SASH1: variants seen among roughly 807,000 people sequenced by gnomAD.
The protein encoded by SASH1 is SAM and SH3 domain containing 1.
Under a neutral mutation model 125.2 loss-of-function variants are expected in SASH1, and 44 were observed. The ratio of observed to expected loss-of-function variants is 0.35; its 90% CI spans 0.28 to 0.45. The LOEUF is 0.45. SASH1 is among the 20% of genes least tolerant of loss of function. The pLI, the probability that SASH1 is intolerant of heterozygous loss-of-function variation, is 1.00. For synonymous variants in SASH1, 639 were observed against 649.1 expected (o/e 0.98, Z 0.24); for missense variants, 1,426 against 1,614.5 (o/e 0.88, Z 2.00).
At chr6:148,298,667 G>GGAAGGAAGGA (rs1779831332) in intron 1 of SASH1, among the ~76,000 whole-genome samples, 40 of 55,714 alleles carry the variant, frequency 7.2e-4, no homozygotes, top group Non-Finnish European at 1.1e-3. Flanking sequence ...GGGAGGGAGG[G>GGAAGGAAGGA]AGGAAGGAAG....
At chr6:148,345,820 T>C (rs6934632) in intron 1 of SASH1, among the ~76,000 whole-genome samples, 118,864 of 152,168 alleles carry the variant, frequency 0.78, 46,637 homozygotes, top group East Asian at 0.9. Context: ...GACTTGTCCC[T>C]GGTCGCTGGC....
At chr6:148,449,824 A>G (rs893225297) in intron 4 of SASH1, among the ~76,000 whole-genome samples, 1 of 152,202 alleles carries the variant, frequency 6.6e-6, no homozygotes, top group Non-Finnish European at 1.5e-5. Flanking sequence ...CCAAAGAGGA[A>G]GTGAATATGT....
chr6:148,509,512 T>G (rs1266151979), intron 8 of SASH1, among the ~76,000 whole-genome samples: 1 of 152,206 alleles, frequency 6.6e-6, no homozygotes, highest in African/African-American at 2.4e-5. Flanking sequence ...AGGGCACAGT[T>G]GTAATCCTGT....
intron 1 of SASH1, among the ~76,000 whole-genome samples, chr6:148,382,939 G>C (rs757226513): frequency 6.6e-6 from 1 of 152,184 alleles, no homozygotes; most frequent in East Asian, 1.9e-4. Flanking sequence ...GGCATATGTC[G>C]TTACACGTTA....
In SASH1 at chr6:148,452,508, T is replaced by C. The variant is rs372601780; in HGVS notation, c.386+12101T>C. Among the ~76,000 whole-genome samples, 111 of 152,362 alleles carry C rather than the reference T, an allele frequency of 7.3e-4. 4 individuals carry two copies. The South Asian group carries it at 0.022, about 30-fold the overall frequency. On this transcript the variant is annotated intron_variant, in intron 4 of 19. Transcript: ENST00000367467. The stretch of plus-strand genomic sequence containing the variant: ...ACTATGTTGTAGCTGGCCTAGGCTC[T>C]GGAGCTGGACAGAATCTGAGCGTGA...
chr6:148,482,166 T>C (rs1028581009), intron 7 of SASH1, among the ~76,000 whole-genome samples: 1 of 152,162 alleles, frequency 6.6e-6, no homozygotes. Flanking sequence ...TTTAAAGCCT[T>C]GGATAAAAAA....
rs1308382648 is a variant in SASH1, at chr6:148,487,032, TTATATATATTTG to T, written c.628-580_628-569del. On this transcript the variant is annotated intron_variant, in intron 7 of 19. Coordinates refer to ENST00000367467, the MANE Select transcript of SASH1 (RefSeq NM_015278.5). ...ATATATGTTTTTATATATATATTTG[TTATATATATTTG>T]TTTTATATATATGTAAAAAACAAAT... 1.7e-5 allele frequency among the ~76,000 whole-genome samples: 2 copies of T among 121,056 alleles called. 1 individual carries two copies. The highest frequency in any genetic ancestry group is 6.0e-5 in the African/African-American group (2 of 33,146). The allele number at this position is 121,056 out of a possible 152,430, so 79.4% of individuals were successfully genotyped here.
chr6:148,517,923 C>T (rs926681371), intron 9 of SASH1, among the ~76,000 whole-genome samples: 3 of 152,278 alleles, frequency 2.0e-5, no homozygotes, highest in East Asian at 3.9e-4. Flanking sequence ...TGTACATCTG[C>T]GTGGACACCT....
At chr6:148,302,695 A>G (rs2128514339) in intron 1 of SASH1, among the ~76,000 whole-genome samples, 1 of 150,482 alleles carries the variant, frequency 6.6e-6, no homozygotes, top group South Asian at 2.1e-4. Context: ...AAATATATAT[A>G]TACACACTGT....
intron 2 of SASH1, among the ~76,000 whole-genome samples, chr6:148,433,406 C>CTTTTTTTT (rs5880780): frequency 1.1e-4 from 14 of 127,994 alleles, no homozygotes; most frequent in Admixed American, 3.3e-4. Context: ...TTTCTTTTTT[C>CTTTTTTTT]TTTTTTTTTT....
chr6:148,540,582 A>G, intron 17 of SASH1, 26 bp downstream of exon 17: 1 of 1,536,576 alleles, frequency 6.5e-7, no homozygotes, highest in East Asian at 2.3e-5. Context: ...GTCGCTGGGA[A>G]CCTGCTTTGA....
intron 4 of SASH1, among the ~76,000 whole-genome samples, chr6:148,440,852 C>A (rs1776513698): frequency 6.6e-6 from 1 of 152,136 alleles, no homozygotes; most frequent in Admixed American, 6.6e-5. Context: ...CTTAAAACAA[C>A]AGTGAATGTG....
rs1554258787 is a variant in SASH1, at chr6:148,449,078, C to CTTTTCTTTTT, written c.386+8675_386+8676insCTTTTTTTTT. On this transcript the variant is annotated intron_variant, in intron 4 of 19. Transcript: ENST00000367467. Reference sequence around the variant, plus strand: ...GAGACTGGCTAATTTCATTTCATTTCTTTTTTTTTTTTTTTGGAGACAGAG... The same window carrying CTTTTCTTTTT: ...GAGACTGGCTAATTTCATTTCATTTCTTTTCTTTTTTTTTTTTTTTTTTTTGGAGACAGAG... Among the ~76,000 whole-genome samples the CTTTTCTTTTT allele has an allele frequency of 3.4e-5, 3 of 88,706 alleles. No homozygotes were observed. In the South Asian group the frequency reaches 1.1e-3, roughly 31 times the overall value. 58.2% of individuals were successfully genotyped at this position (88,706 alleles called of 152,430 possible). A position where few individuals can be genotyped will look rare whatever the true frequency, so the allele number is the denominator to read the frequency against.
chr6:148,290,550 G>T (rs1401966533), intron 1 of SASH1, among the ~76,000 whole-genome samples: 1 of 152,064 alleles, frequency 6.6e-6, no homozygotes, highest in Non-Finnish European at 1.5e-5. Context: ...AGCTTGCAGT[G>T]AGCCAAGATC....
chr6:148,421,976 C>T (rs1416478757), intron 2 of SASH1, among the ~76,000 whole-genome samples: 1 of 152,156 alleles, frequency 6.6e-6, no homozygotes, highest in African/African-American at 2.4e-5. Context: ...TAATGTGGCA[C>T]ATTTTCTTCC....
At chr6:148,241,189 T>C in the SASH1 span, among the ~76,000 whole-genome samples, 1 of 152,300 alleles carries the variant, frequency 6.6e-6, no homozygotes, top group South Asian at 2.1e-4. Context: ...AAAGATTGCT[T>C]TTATTTATTT....
At chr6:148,413,402 A>G (rs1784699622) in intron 2 of SASH1, among the ~76,000 whole-genome samples, 1 of 152,176 alleles carries the variant, frequency 6.6e-6, no homozygotes, top group South Asian at 2.1e-4. Context: ...ATTGACCTAA[A>G]TTGGAATGGA....
intron 1 of SASH1, among the ~76,000 whole-genome samples, chr6:148,374,486 A>C (rs1468862394): frequency 1.3e-5 from 2 of 152,186 alleles, no homozygotes; most frequent in Non-Finnish European, 2.9e-5. Context: ...GAAAATGGGT[A>C]TTTTCATTCT....
At chr6:148,435,968 C>G (rs574437360) in intron 2 of SASH1, among the ~76,000 whole-genome samples, 52 of 152,284 alleles carry the variant, frequency 3.4e-4, no homozygotes, top group Non-Finnish European at 6.9e-4. Flanking sequence ...GTAAAAGCCA[C>G]GAGATAATCC....
Sources: gnomAD v4.1 joint callset for allele counts (sites outside exome capture counted in the v4.1 genomes callset) on GRCh38, gnomAD v4.1.1 for gene constraint, MANE v1.5 for transcripts, NCBI Gene and HGNC (gene_info 2026-07-23, HGNC 2026-07-21) for gene names.